Variants in IMPDH2 observed in about 807,000 individuals in gnomAD.
The protein encoded by IMPDH2 is inosine-5'-monophosphate dehydrogenase 2.
Under a neutral mutation model 57.8 loss-of-function variants are expected in IMPDH2, and 33 were observed. The ratio of observed to expected loss-of-function variants is 0.57; its 90% CI spans 0.43 to 0.76. The LOEUF (loss-of-function observed/expected upper bound fraction) is 0.76. IMPDH2 is among the 30% of genes least tolerant of loss of function. The probability of loss-of-function intolerance (pLI) is 0.00; values close to 1 mark genes in which losing one functional copy is unlikely to be tolerated. For missense variants in IMPDH2, 446 were observed against 659.1 expected (o/e 0.68, Z 3.54); for synonymous variants, 270 against 241.3 (o/e 1.12, Z -1.10).
chr3:49,029,039 A>C, intron 1 of IMPDH2: 1 of 642,622 alleles, frequency 1.6e-6, no homozygotes, highest in Non-Finnish European at 2.8e-6. Context: ...GGAGCATGGA[A>C]TCTCCGGCCT....
In IMPDH2 at chr3:49,026,397, C is replaced by T. The variant is rs780765833; in HGVS notation, c.933G>A (p.Lys311=). The T allele has an allele frequency of 2.5e-6, 4 of 1,613,712 alleles. No individual in the cohort carries two copies. In the South Asian group the frequency reaches 4.4e-5, roughly 18 times the overall value. The change falls in exon 9 of 14, where the codon AAG becomes AAA. Residue 311 remains lysine, a synonymous_variant. Coordinates refer to ENST00000326739, the MANE Select transcript of IMPDH2 (RefSeq NM_000884.3). The part of the protein sequence containing the change: ...GGNVVTAAQA[K]NLIDAGVDAL... The stretch of plus-strand genomic sequence containing the variant: ...CATCCACACCTGCATCAATGAGGTT[C>T]TTGGCCTGGGCAGCAGTGACCACTA...
rs749490547 is a variant in IMPDH2, at chr3:49,024,360, G to A, written c.*23C>T. The A allele has an allele frequency of 6.8e-6, 11 of 1,613,308 alleles. No individual in the cohort carries two copies. The East Asian group carries it at 8.9e-5, about 13-fold the overall frequency. ...CTAAACTTTTATTGAAAAAAAAACC[G>A]AGGAGGTGTGCTGGATCCCTTTTCA... is the stretch of plus-strand genomic sequence containing the variant. On this transcript the variant is annotated 3_prime_UTR_variant, in exon 14 of 14. Transcript: ENST00000326739.
chr3:49,025,470 C>A (rs1392150072), intron 9 of IMPDH2: 1 of 606,418 alleles, frequency 1.6e-6, no homozygotes, highest in Non-Finnish European at 2.9e-6. Context: ...CTACTCACCC[C>A]CACATGTGCA....
At chr3:49,029,093 C>A in intron 1 of IMPDH2, 160 bp downstream of exon 1, 1 of 686,020 alleles carries the variant, frequency 1.5e-6, no homozygotes, top group Non-Finnish European at 2.6e-6. Context: ...ACCCCAAGCA[C>A]CGCTCCAGAT....
At chr3:49,029,189 C>T (rs1362565231) in intron 1 of IMPDH2, 64 bp downstream of exon 1, 3 of 1,336,824 alleles carry the variant, frequency 2.2e-6, no homozygotes, top group Admixed American at 3.9e-5. Context: ...CGGAAGCCCC[C>T]ATCTGGCCTT....
At chr3:49,028,098 C>A in intron 4 of IMPDH2, 150 bp downstream of exon 4, 1 of 802,208 alleles carries the variant, frequency 1.2e-6, no homozygotes. Context: ...ATTGCTGCTG[C>A]TTTAAGAAAC....
At chr3:49,027,418 T>C (rs1218108782) in intron 5 of IMPDH2, among the ~76,000 whole-genome samples, 2 of 152,064 alleles carry the variant, frequency 1.3e-5, no homozygotes, top group African/African-American at 2.4e-5. Flanking sequence ...TCTTACACTA[T>C]GGAATAAGGA....
intron 9 of IMPDH2, chr3:49,025,518 A>G (rs1229440692): frequency 5.8e-6 from 3 of 518,246 alleles, no homozygotes; most frequent in East Asian, 6.9e-5. Flanking sequence ...CCTCAGGCAC[A>G]TGCAGTCTTA....
At chr3:49,029,216 C>T in intron 1 of IMPDH2, 37 bp downstream of exon 1, 1 of 1,503,082 alleles carries the variant, frequency 6.7e-7, no homozygotes, top group Middle Eastern at 1.7e-4. Context: ...AGGGTGCCGC[C>T]CCTCTCTTCG....
In IMPDH2 at chr3:49,027,831, T is replaced by C; in HGVS notation, c.410A>G (p.His137Arg). 1 of 1,614,164 alleles carries C rather than the reference T, an allele frequency of 6.2e-7. No homozygotes were observed. The highest frequency in any genetic ancestry group is 8.5e-7 in the Non-Finnish European group (1 of 1,180,028). ...TGTGATTGGGATACCGCAGAAACCA[T>C]GCCGGGCCTTGGCCTCAAAAACATC... is the stretch of plus-strand genomic sequence containing the variant. ...VRDVFEAKARHGFCGIPITDT... is the reference protein window; with the variant it reads ...VRDVFEAKARRGFCGIPITDT... Residue 137 changes from histidine (H) to arginine (R), a missense_variant, in exon 5 of 14, where the codon CAT (histidine) becomes CGT (arginine). Transcript: ENST00000326739.
chr3:49,025,962 C>T, intron 9 of IMPDH2: 2 of 466,934 alleles, frequency 4.3e-6, no homozygotes, highest in South Asian at 3.1e-5. Context: ...CAGTGGGCAG[C>T]TGGGCCGGGC....
intron 3 of IMPDH2, 53 bp downstream of exon 3, chr3:49,028,378 T>C (rs2093208880): frequency 6.8e-6 from 11 of 1,608,098 alleles, no homozygotes; most frequent in Non-Finnish European, 9.4e-6. Flanking sequence ...TGAATGCCTT[T>C]GGGGAAAGGC....
chr3:49,025,530 C>T (rs1163489651), intron 9 of IMPDH2: 1 of 493,968 alleles, frequency 2.0e-6, no homozygotes, highest in South Asian at 2.1e-5. Flanking sequence ...GCAGTCTTAG[C>T]AGCCGGGAAA....
chr3:49,025,468 C>G (rs1325102211), intron 9 of IMPDH2, 199 bp from the exon 10 acceptor site: 6 of 610,056 alleles, frequency 9.8e-6, no homozygotes, highest in Non-Finnish European at 1.5e-5. Flanking sequence ...CTCTACTCAC[C>G]CCCACATGTG....
chr3:49,025,556 G>T, intron 9 of IMPDH2: 1 of 449,520 alleles, frequency 2.2e-6, no homozygotes, highest in South Asian at 2.1e-5. Context: ...CGTCCAGCTG[G>T]TATCAGATGG....
rs776234281 is a variant in IMPDH2 at position 49,026,732 on chromosome 3, A to C, written c.774T>G (p.Tyr258Ter). The C allele has an allele frequency of 6.2e-7, 1 of 1,614,236 alleles. No homozygotes were observed. The highest frequency in any genetic ancestry group is 2.2e-5 in the East Asian group (1 of 44,888). ...CAGCCTGGGCGAGCAAGTCCAGCCT[A>C]TACTTGTCATCCTCATGAGTGCCAA... ...AAIGTHEDDKYRLDLLAQAGV... is the reference protein window; with the variant it reads ...AAIGTHEDDK The change falls in exon 7 of 14, where the codon TAT (tyrosine) becomes TAG (stop). Residue 258 changes from tyrosine (Y) to a stop codon, truncating the protein, a stop_gained. Coordinates refer to ENST00000326739, the MANE Select transcript of IMPDH2 (RefSeq NM_000884.3). LOFTEE classifies it high-confidence loss of function.
chr3:49,027,862 C>T lies in IMPDH2; in HGVS notation c.379G>A (p.Val127Met), dbSNP rs370186875. 62 of 1,614,070 alleles carry T rather than the reference C, an allele frequency of 3.8e-5. No homozygotes were observed. Among genetic ancestry groups the T allele is most frequent in the Middle Eastern group, 3.3e-4 (2 of 6,084 alleles). The change falls in exon 5 of 14, where the codon GTG (valine) becomes ATG (methionine). Residue 127 changes from valine (V) to methionine (M), a missense_variant. Physicochemically the swap from Val to Met is conservative, Grantham distance 21. Coordinates refer to ENST00000326739, the MANE Select transcript of IMPDH2 (RefSeq NM_000884.3). ...DPVVLSPKDR[V>M]RDVFEAKARH... is the part of the protein sequence containing the mutation. Reference sequence around the variant, plus strand: ...GCCTTGGCCTCAAAAACATCCCGCACGCGATCCTTGGGGCTGAGGACCACA... The same window carrying T: ...GCCTTGGCCTCAAAAACATCCCGCATGCGATCCTTGGGGCTGAGGACCACA...
At chr3:49,025,934 G>A (rs541568757) in intron 9 of IMPDH2, 27 of 462,264 alleles carry the variant, frequency 5.8e-5, no homozygotes, top group African/African-American at 3.6e-4. Context: ...CTACAGCTAC[G>A]TCAACCAAGC....
At chr3:49,028,084 G>T (rs966631476) in intron 4 of IMPDH2, 164 bp downstream of exon 4, 2 of 776,094 alleles carry the variant, frequency 2.6e-6, no homozygotes, top group African/African-American at 1.7e-5. Flanking sequence ...TGTACACCTG[G>T]TCTATTGCTG....
Sources: allele counts gnomAD v4.1 joint callset (sites outside exome capture counted in the v4.1 genomes callset), GRCh38; gene constraint gnomAD v4.1.1; transcripts MANE v1.5; gene names NCBI Gene and HGNC (gene_info 2026-07-23, HGNC 2026-07-21).